Variants in CNTLN observed in about 807,000 individuals in gnomAD.
CNTLN encodes centlein.
In CNTLN, 212 loss-of-function variants were observed where a neutral mutation model predicts 180.0. The ratio of observed to expected loss-of-function variants is 1.18; its 90% CI spans 1.05 to 1.32. The LOEUF (loss-of-function observed/expected upper bound fraction) is 1.32. Among genes scored for constraint, CNTLN ranks in the 40% most tolerant of loss-of-function variants. The pLI, the probability that CNTLN is intolerant of heterozygous loss-of-function variation, is 0.00. For missense variants in CNTLN, 2,095 were observed against 1,610.9 expected (o/e 1.30, Z -5.14); for synonymous variants, 722 against 563.1 (o/e 1.28, Z -3.99).
intron 18 of CNTLN, among the ~76,000 whole-genome samples, chr9:17,453,642 C>G (rs1830930876): frequency 2.0e-5 from 3 of 152,212 alleles, no homozygotes; most frequent in Non-Finnish European, 2.9e-5. Context: ...TAGTGGGGTG[C>G]TCTGCTCAGA....
chr9:17,365,326 T>A (rs1047731755), intron 12 of CNTLN, among the ~76,000 whole-genome samples: 1 of 152,184 alleles, frequency 6.6e-6, no homozygotes. Flanking sequence ...GCCATGAATG[T>A]TAAGTTTCAT....
At chr9:17,499,221 C>A (rs933681368) in intron 25 of CNTLN, among the ~76,000 whole-genome samples, 5 of 152,160 alleles carry the variant, frequency 3.3e-5, no homozygotes, top group Admixed American at 3.3e-4. Context: ...AATTGATGTT[C>A]ATGTGGTACT....
At chr9:17,336,706 C>CT (rs1394629104) in intron 10 of CNTLN, among the ~76,000 whole-genome samples, 2 of 152,066 alleles carry the variant, frequency 1.3e-5, no homozygotes, top group African/African-American at 4.8e-5. Context: ...TCTATAAAAC[C>CT]TTTTTTTAAA....
At chr9:17,392,095 C>G (rs1260928272) in intron 14 of CNTLN, among the ~76,000 whole-genome samples, 1 of 151,998 alleles carries the variant, frequency 6.6e-6, no homozygotes, top group Non-Finnish European at 1.5e-5. Context: ...CAATGCGACC[C>G]CATCTCTACA....
intron 6 of CNTLN, among the ~76,000 whole-genome samples, chr9:17,297,045 C>T (rs1310509231): frequency 6.6e-6 from 1 of 152,160 alleles, no homozygotes; most frequent in Non-Finnish European, 1.5e-5. Context: ...GTACAATCGG[C>T]CTTTCATATC....
chr9:17,318,159 C>T (rs911225124), intron 8 of CNTLN, among the ~76,000 whole-genome samples: 2 of 151,630 alleles, frequency 1.3e-5, no homozygotes, highest in African/African-American at 4.9e-5. Context: ...TGCTGAGTAG[C>T]TGGGACTACA....
intron 5 of CNTLN, among the ~76,000 whole-genome samples, chr9:17,266,751 G>C (rs1444383120): frequency 9.2e-5 from 14 of 152,176 alleles, no homozygotes; most frequent in African/African-American, 3.4e-4. Flanking sequence ...ATTTAGGATA[G>C]TGAGCTCTTG....
chr9:17,212,376 G>C (rs1268700687), intron 2 of CNTLN, among the ~76,000 whole-genome samples: 2 of 152,152 alleles, frequency 1.3e-5, no homozygotes, highest in African/African-American at 2.4e-5. Flanking sequence ...TGCATATGTT[G>C]AACCAGCCTT....
intron 6 of CNTLN, among the ~76,000 whole-genome samples, chr9:17,279,991 C>T (rs1828567333): frequency 6.6e-6 from 1 of 152,152 alleles, no homozygotes; most frequent in Admixed American, 6.5e-5. Flanking sequence ...CTGGCACTGC[C>T]TCAGGACTCT....
the CNTLN span, among the ~76,000 whole-genome samples, chr9:17,513,054 C>T: frequency 2.0e-5 from 3 of 152,108 alleles, no homozygotes; most frequent in Non-Finnish European, 2.9e-5. Context: ...CTCCTGACCT[C>T]GTGATCCGCC....
At chr9:17,383,401 C>G (rs1322827076) in intron 13 of CNTLN, among the ~76,000 whole-genome samples, 1 of 151,738 alleles carries the variant, frequency 6.6e-6, no homozygotes, top group African/African-American at 2.4e-5. Flanking sequence ...GTACTACCAG[C>G]TACTTGGGTC....
At chr9:17,467,929 A>G (rs1367820916) in intron 23 of CNTLN, among the ~76,000 whole-genome samples, 1 of 151,690 alleles carries the variant, frequency 6.6e-6, no homozygotes, top group African/African-American at 2.4e-5. Flanking sequence ...TACCATAAAG[A>G]CACATGCATG....
At chr9:17,493,405 C>T (rs887853836) in intron 25 of CNTLN, among the ~76,000 whole-genome samples, 2 of 151,982 alleles carry the variant, frequency 1.3e-5, no homozygotes, top group Non-Finnish European at 2.9e-5. Flanking sequence ...AACAGTTTTG[C>T]CTTCTAGATA....
At chr9:17,352,004 G>C (rs929759226) in intron 12 of CNTLN, among the ~76,000 whole-genome samples, 5 of 152,000 alleles carry the variant, frequency 3.3e-5, no homozygotes, top group Non-Finnish European at 5.9e-5. Flanking sequence ...GAGAATTCTG[G>C]GTGGCAAGTT....
chr9:17,135,688 C>A (rs981742506), intron 1 of CNTLN, among the ~76,000 whole-genome samples: 1 of 152,166 alleles, frequency 6.6e-6, no homozygotes, highest in Admixed American at 6.5e-5. Context: ...CACTTGGATA[C>A]TCGCAGTCGC....
At chr9:17,456,985 A>G (rs1486836777) in intron 18 of CNTLN, among the ~76,000 whole-genome samples, 1 of 152,206 alleles carries the variant, frequency 6.6e-6, no homozygotes. Flanking sequence ...AATCAAGTGC[A>G]TAAAACTGAG....
the CNTLN span, among the ~76,000 whole-genome samples, chr9:17,516,813 C>A: frequency 6.6e-6 from 1 of 152,060 alleles, no homozygotes; most frequent in Admixed American, 6.6e-5. Context: ...TTTTCTGAGC[C>A]CCAACAACAG....
At chr9:17,216,541 A>G (rs1365048883) in intron 2 of CNTLN, among the ~76,000 whole-genome samples, 1 of 152,186 alleles carries the variant, frequency 6.6e-6, no homozygotes, top group Admixed American at 6.5e-5. Context: ...TATGTGTGCT[A>G]TATCCTTGAT....
chr9:17,275,260 C>T (rs1278979971), intron 6 of CNTLN, among the ~76,000 whole-genome samples: 2 of 151,988 alleles, frequency 1.3e-5, no homozygotes, highest in Admixed American at 1.3e-4. Flanking sequence ...AATTTTTGAA[C>T]ATTGTTTTAC....
Sources: allele counts gnomAD v4.1 joint callset (sites outside exome capture counted in the v4.1 genomes callset), GRCh38; gene constraint gnomAD v4.1.1; transcripts MANE v1.5; gene names NCBI Gene and HGNC (gene_info 2026-07-23, HGNC 2026-07-21).